The following ITPR1 variants were observed in gnomAD, a reference collection of about 807,000 sequenced individuals.
The protein encoded by ITPR1 is inositol 1,4,5-trisphosphate receptor type 1.
ITPR1 carries 96 observed loss-of-function variants against 318.4 expected under a neutral mutation model. That is an observed-to-expected ratio of 0.30 (90% CI 0.26 to 0.36). The LOEUF is 0.36. Ranked by LOEUF, ITPR1 falls within the 10% of genes least tolerant of loss-of-function variation. ITPR1 has a pLI of 1.00. For synonymous variants in ITPR1, 1,312 were observed against 1,289.9 expected, an observed-to-expected ratio of 1.02 and a Z score of -0.37; for missense variants, 2,440 against 3,460.2, an observed-to-expected ratio of 0.71 and a Z score of 7.40.
intron 2 of ITPR1, among the ~76,000 whole-genome samples, chr3:4,508,455 GT>G (rs4054897): frequency 0.024 from 2,973 of 125,724 alleles, 33 homozygotes; most frequent in Admixed American, 0.033. Flanking sequence ...GAAAATCAAG[GT>G]TTTTTTTTTT....
chr3:4,538,873 T>A (rs1249157978), intron 4 of ITPR1, among the ~76,000 whole-genome samples: 1 of 152,048 alleles, frequency 6.6e-6, no homozygotes, highest in Non-Finnish European at 1.5e-5. Flanking sequence ...CTGGGGCCTT[T>A]TAGGGGATGG....
At chr3:4,814,392 TTC>T in intron 57 of ITPR1, 29 bp from the exon 58 acceptor site, 2 of 1,613,156 alleles carry the variant, frequency 1.2e-6, no homozygotes, top group Non-Finnish European at 1.7e-6. Context: ...TCCTCACGTT[TTC>T]TCTCTGTTGT....
chr3:4,496,713 A>C (rs2080604591), intron 2 of ITPR1, among the ~76,000 whole-genome samples: 1 of 152,232 alleles, frequency 6.6e-6, no homozygotes, highest in African/African-American at 2.4e-5. Context: ...AAAGATAAAA[A>C]AGAAACCTTT....
intron 44 of ITPR1, among the ~76,000 whole-genome samples, chr3:4,745,650 T>C (rs181783946): frequency 1.3e-5 from 2 of 152,304 alleles, no homozygotes; most frequent in Admixed American, 1.3e-4. Context: ...TTGGGTAATC[T>C]CATCTACTGC....
At chr3:4,645,751 G>T (rs748757961) in intron 10 of ITPR1, 23 bp downstream of exon 10, 3 of 1,607,478 alleles carry the variant, frequency 1.9e-6, no homozygotes, top group Non-Finnish European at 2.5e-6. Flanking sequence ...TGGAGAAAGG[G>T]CTCCTGGGTT....
intron 40 of ITPR1, among the ~76,000 whole-genome samples, chr3:4,720,605 C>A (rs1482095945): frequency 6.6e-6 from 1 of 152,166 alleles, no homozygotes; most frequent in African/African-American, 2.4e-5. Flanking sequence ...TGAATCACTG[C>A]CTCCTTGGAA....
At chr3:4,609,063 TATATATATATATATATATATATATATAC>T (rs1311531612) in intron 4 of ITPR1, among the ~76,000 whole-genome samples, 1 of 73,556 alleles carries the variant, frequency 1.4e-5, no homozygotes, top group African/African-American at 1.0e-4. Context: ...TATATATATA[TATATATATATATATATATATATATATAC>T]ACACACACGT....
At chr3:4,555,448 G>A (rs1048471274) in intron 4 of ITPR1, among the ~76,000 whole-genome samples, 10 of 152,088 alleles carry the variant, frequency 6.6e-5, no homozygotes, top group East Asian at 3.8e-4. Flanking sequence ...TCTTAAACCC[G>A]TAATTATTAT....
At chr3:4,692,592 G>C (rs901435079) in intron 32 of ITPR1, among the ~76,000 whole-genome samples, 2 of 152,156 alleles carry the variant, frequency 1.3e-5, no homozygotes, top group African/African-American at 4.8e-5. Context: ...TTTGACTTCT[G>C]TGCCAGCCCT....
At chr3:4,737,936 T>A (rs1250278913) in intron 44 of ITPR1, among the ~76,000 whole-genome samples, 1 of 152,186 alleles carries the variant, frequency 6.6e-6, no homozygotes. Context: ...TGGAGACCAT[T>A]ATCCTTAGCA....
At chr3:4,674,411 T>C (rs2094145614) in intron 22 of ITPR1, 68 bp downstream of exon 22, 1 of 1,343,510 alleles carries the variant, frequency 7.4e-7, no homozygotes, top group South Asian at 1.4e-5. Context: ...ATGGGGCAAA[T>C]AGAAAATATG....
intron 2 of ITPR1, among the ~76,000 whole-genome samples, chr3:4,497,148 A>G (rs1170157155): frequency 1.3e-5 from 2 of 152,192 alleles, no homozygotes; most frequent in Admixed American, 6.5e-5. Flanking sequence ...GATGTGAATG[A>G]CATAACTTCT....
chr3:4,645,919 T>C lies in ITPR1; in HGVS notation c.855+191T>C, dbSNP rs148486448. On this transcript the variant is annotated intron_variant, in intron 10 of 61. Transcript: ENST00000649015. ...TATATATAAGTCACAAACAAGTACTTATACCCACCTTATTCCAAAAATGGG... is the reference window on the plus strand; with the variant it reads ...TATATATAAGTCACAAACAAGTACTCATACCCACCTTATTCCAAAAATGGG... The C allele has an allele frequency of 1.6e-3, 900 of 554,612 alleles. 2 individuals are homozygous for C. The highest frequency in any genetic ancestry group is 6.3e-3 in the Middle Eastern group (13 of 2,060). The allele number at this position is 554,612 out of a possible 1,614,324, so 34.4% of individuals were successfully genotyped here. A position where few individuals can be genotyped will look rare whatever the true frequency, so the allele number is the denominator to read the frequency against.
intron 31 of ITPR1, among the ~76,000 whole-genome samples, chr3:4,690,015 G>T (rs1468854010): frequency 6.6e-6 from 1 of 152,172 alleles, no homozygotes; most frequent in Admixed American, 6.5e-5. Flanking sequence ...GGTGGCTCAC[G>T]CCTGTAATCC....
intron 4 of ITPR1, among the ~76,000 whole-genome samples, chr3:4,594,575 C>G (rs1485090641): frequency 6.6e-6 from 1 of 152,132 alleles, no homozygotes; most frequent in Non-Finnish European, 1.5e-5. Flanking sequence ...GTCTCTTTAT[C>G]GTAAGATGGC....
chr3:4,617,462 C>T (rs9810214), intron 4 of ITPR1, among the ~76,000 whole-genome samples: 45,364 of 151,904 alleles, frequency 0.3, 7,669 homozygotes, highest in Middle Eastern at 0.48. Context: ...ACCTGCCCAA[C>T]CCCAAAAGCT....
At chr3:4,725,130 C>G (rs943350539) in intron 40 of ITPR1, among the ~76,000 whole-genome samples, 1 of 151,872 alleles carries the variant, frequency 6.6e-6, no homozygotes, top group Non-Finnish European at 1.5e-5. Flanking sequence ...CCTTGGGCCC[C>G]TGCTTTCATC....
intron 44 of ITPR1, among the ~76,000 whole-genome samples, chr3:4,758,148 G>A (rs1225757312): frequency 6.6e-6 from 1 of 152,212 alleles, no homozygotes; most frequent in Non-Finnish European, 1.5e-5. Context: ...GCCGTGGTGA[G>A]TGTCATGGGC....
intron 10 of ITPR1, among the ~76,000 whole-genome samples, chr3:4,651,637 C>T (rs1459504359): frequency 6.6e-6 from 1 of 152,198 alleles, no homozygotes; most frequent in Non-Finnish European, 1.5e-5. Flanking sequence ...CACCAACTAC[C>T]ACTGCTAGTT....
Sources: gnomAD v4.1 joint callset for allele counts (sites outside exome capture counted in the v4.1 genomes callset) on GRCh38, gnomAD v4.1.1 for gene constraint, MANE v1.5 for transcripts, NCBI Gene and HGNC (gene_info 2026-07-23, HGNC 2026-07-21) for gene names.